Variants in BAZ2A observed in about 807,000 individuals in gnomAD.
The protein encoded by BAZ2A is bromodomain adjacent to zinc finger domain protein 2A.
In BAZ2A, 34 loss-of-function variants were observed where a neutral mutation model predicts 199.9. The observed-to-expected ratio is 0.17, with a 90% CI of 0.13 to 0.23. The LOEUF is 0.23. BAZ2A is among the 10% of genes least tolerant of loss of function. The pLI is 1.00. For synonymous variants in BAZ2A, 857 were observed against 883.9 expected (o/e 0.97, Z 0.54); for missense variants, 2,002 against 2,391.1 (o/e 0.84, Z 3.39).
At chr12:56,635,207 G>A (rs951314348), upstream of BAZ2A, among the ~76,000 whole-genome samples, 3 of 152,160 alleles carry the variant, frequency 2.0e-5, no homozygotes, top group Non-Finnish European at 4.4e-5. This position sits in a 1 kb window ranked among gnomAD's most constrained non-coding sequence, Gnocchi z 4.1. Flanking sequence ...GAAGAGAACG[G>A]ATCCCAGAAA....
intron 1 of BAZ2A, chr12:56,636,160 C>T (rs1285347049): frequency 1.9e-6 from 3 of 1,587,162 alleles, no homozygotes; most frequent in African/African-American, 1.3e-5. Context: ...AGGCCTTCCC[C>T]GGGGCTGGTC....
intron 1 of BAZ2A, among the ~76,000 whole-genome samples, chr12:56,628,177 CAAAA>C (rs57372528): frequency 1.8e-4 from 5 of 28,382 alleles, no homozygotes; most frequent in Non-Finnish European, 3.4e-4. Flanking sequence ...AACTCCGTCT[CAAAA>C]AAAAAAAAAA....
At chr12:56,600,521 TG>T (rs759073369) in intron 23 of BAZ2A, 31 bp from the exon 24 acceptor site, 4 of 1,587,318 alleles carry the variant, frequency 2.5e-6, no homozygotes, top group Non-Finnish European at 3.4e-6. Context: ...TAAAACTCAC[TG>T]TAAAAGGAGG....
chr12:56,637,205 C>G (rs1592642012), upstream of BAZ2A, among the ~76,000 whole-genome samples: 1 of 152,218 alleles, frequency 6.6e-6, no homozygotes, highest in Non-Finnish European at 1.5e-5. Flanking sequence ...CGCGAGAGGG[C>G]AGTCGGATGG....
chr12:56,621,132 G>A (rs1301324399), intron 1 of BAZ2A: 1 of 985,278 alleles, frequency 1.0e-6, no homozygotes, highest in African/African-American at 1.7e-5. Flanking sequence ...CTGGTGTGGA[G>A]GATACATGCA....
intron 16 of BAZ2A, 21 bp downstream of exon 16, chr12:56,604,196 T>A (rs138822519): frequency 2.3e-4 from 372 of 1,591,892 alleles, no homozygotes; most frequent in Non-Finnish European, 3.1e-4. Context: ...TCTGAGGCTC[T>A]ACTCTCTGTC....
upstream of BAZ2A, among the ~76,000 whole-genome samples, chr12:56,635,193 G>A (rs994820695): frequency 5.3e-5 from 8 of 151,148 alleles, no homozygotes; most frequent in Non-Finnish European, 1.0e-4. This position sits in a 1 kb window ranked among gnomAD's most constrained non-coding sequence, Gnocchi z 4.1. Flanking sequence ...ATCCCAGATG[G>A]GAGGAAGAGA....
At position 56,615,193 on chromosome 12, in the gene BAZ2A, A is replaced by C. The variant is rs1375217536; in HGVS notation, c.551T>G (p.Phe184Cys). 1.2e-6 allele frequency: 2 copies of C among 1,613,464 alleles called. No homozygotes were observed. Among genetic ancestry groups the C allele is most frequent in the Non-Finnish European group, 1.7e-6 (2 of 1,179,746 alleles). Residue 184 changes from phenylalanine to cysteine, a missense_variant, in exon 3 of 29, where the codon TTT (phenylalanine) becomes TGT (cysteine). Physicochemically the swap from Phe to Cys is radical, Grantham distance 205. This residue lies in a region of BAZ2A where 641 missense variants were observed against 694.5 expected (regional missense o/e 0.92). Coordinates refer to ENST00000549884, the MANE Select transcript of BAZ2A (RefSeq NM_001300905.2). Reference protein sequence around the residue: ...FEVMPNGPPSFFTSPQTSPML... With the variant: ...FEVMPNGPPSCFTSPQTSPML... Reference sequence around the variant, plus strand: ...AGGAGAAGTCTGTGGGGAGGTGAAAAAACTAGGGGGTCCATTGGGCATCAC... The same window carrying C: ...AGGAGAAGTCTGTGGGGAGGTGAAACAACTAGGGGGTCCATTGGGCATCAC...
At chr12:56,637,560 T>C (rs781539424), upstream of BAZ2A, among the ~76,000 whole-genome samples, 1 of 152,188 alleles carries the variant, frequency 6.6e-6, no homozygotes, top group Non-Finnish European at 1.5e-5. Flanking sequence ...TCTGAAGACA[T>C]GAAGGCCTAA....
intron 1 of BAZ2A, among the ~76,000 whole-genome samples, chr12:56,627,873 G>C (rs1951155416): frequency 1.4e-5 from 2 of 146,500 alleles, no homozygotes; most frequent in African/African-American, 5.0e-5. Context: ...AAGAGAGAGA[G>C]AAGAGAAAAA....
chr12:56,624,825 G>C (rs1480365716), intron 1 of BAZ2A, among the ~76,000 whole-genome samples: 2 of 152,166 alleles, frequency 1.3e-5, no homozygotes, highest in Non-Finnish European at 2.9e-5. Context: ...CGGAGGCTGA[G>C]GTGGGAGGAT....
chr12:56,612,100 A>G lies in BAZ2A; in HGVS notation c.1282T>C (p.Ser428Pro), dbSNP rs1262070202. ...GAGACTGCTGGGGAGGTTGTTGGCG[A>G]GACTGCTGGTGAGGTTGCTGGATGT... Reference protein sequence around the residue: ...QLHPATSPAVSPTTSPAVSLV... With the variant: ...QLHPATSPAVPPTTSPAVSLV... Residue 428 changes from serine to proline, a missense_variant, in exon 6 of 29, where the codon TCG (serine) becomes CCG (proline). Ser to Pro is a moderately conservative substitution (Grantham distance 74). This residue lies in a region of BAZ2A where 641 missense variants were observed against 694.5 expected (regional missense o/e 0.92). Coordinates refer to ENST00000549884, the MANE Select transcript of BAZ2A (RefSeq NM_001300905.2). The G allele has an allele frequency of 1.2e-6, 2 of 1,613,662 alleles. No individual in the cohort carries two copies. Among genetic ancestry groups the G allele is most frequent in the African/African-American group, 2.7e-5 (2 of 74,854 alleles).
chr12:56,600,170 A>G (rs1592551895), intron 24 of BAZ2A, 31 bp downstream of exon 24: 1 of 1,612,384 alleles, frequency 6.2e-7, no homozygotes, highest in East Asian at 2.2e-5. Flanking sequence ...TTTCTCTCCA[A>G]GACCAAGAAT....
chr12:56,613,272 G>A (rs201304638), intron 4 of BAZ2A, 39 bp from the exon 5 acceptor site: 13 of 1,584,946 alleles, frequency 8.2e-6, no homozygotes, highest in Admixed American at 3.4e-5. Flanking sequence ...AGGATAATGA[G>A]AAAAAAATCA....
upstream of BAZ2A, among the ~76,000 whole-genome samples, chr12:56,634,536 TC>T (rs2137502597): frequency 6.6e-6 from 1 of 152,116 alleles, no homozygotes; most frequent in Admixed American, 6.5e-5. Flanking sequence ...TCGATGTTGC[TC>T]CCCCGCCCCC....
intron 1 of BAZ2A, among the ~76,000 whole-genome samples, chr12:56,625,284 T>C (rs561095321): frequency 6.6e-6 from 1 of 151,248 alleles, no homozygotes; most frequent in South Asian, 2.1e-4. Flanking sequence ...GCCTCCCAAG[T>C]AGCTGGGATT....
Position 56,598,922 on chromosome 12 carries a change from A to C in BAZ2A, c.5492T>G (p.Ile1831Ser). 1 of 1,606,036 alleles carries C rather than the reference A, an allele frequency of 6.2e-7. No individual in the cohort carries two copies. Among genetic ancestry groups the C allele is most frequent in the Non-Finnish European group, 8.5e-7 (1 of 1,176,322 alleles). The stretch of plus-strand genomic sequence containing the variant: ...GGAAAAATCCATAGGATTTTTGATG[A>C]TGCGCCGGTACCCACTCACCAAACG... ...NPRLVSGYRR[I>S]IKNPMDFSTM... Residue 1831 changes from isoleucine to serine, a missense_variant, in exon 28 of 29, where the codon ATC (isoleucine) becomes AGC (serine). Transcript: ENST00000549884.
chr12:56,638,306 C>A, upstream of BAZ2A: 1 of 1,606,786 alleles, frequency 6.2e-7, no homozygotes, highest in Non-Finnish European at 8.5e-7. Context: ...AGAGACAGTA[C>A]AGAGGACAAA....
At chr12:56,609,040 A>G (rs1303674799) in intron 10 of BAZ2A, among the ~76,000 whole-genome samples, 1 of 143,828 alleles carries the variant, frequency 7.0e-6, no homozygotes, top group African/African-American at 2.9e-5. Context: ...CGCCCAGCTA[A>G]TTTTTTGTTT....
Sources: gnomAD v4.1 joint callset for allele counts (sites outside exome capture counted in the v4.1 genomes callset) on GRCh38, gnomAD v4.1.1 for gene constraint, gnomAD v4.1.1 regional missense constraint, Gnocchi (gnomAD v3.1) non-coding constraint, MANE v1.5 for transcripts, NCBI Gene and HGNC (gene_info 2026-07-23, HGNC 2026-07-21) for gene names.